The following USP7 variants were observed in gnomAD, a reference collection of about 807,000 sequenced individuals.
USP7 encodes ubiquitin C-terminal hydrolase 7.
Under a neutral mutation model 162.9 loss-of-function variants are expected in USP7, and 9 were observed. The observed-to-expected ratio is 0.06, with a 90% confidence interval of 0.03 to 0.10. The LOEUF is 0.10. Ranked by LOEUF, USP7 falls within the 10% of genes least tolerant of loss-of-function variation. The probability of loss-of-function intolerance (pLI) is 1.00; values close to 1 mark genes in which losing one functional copy is unlikely to be tolerated. For synonymous variants in USP7, 562 were observed against 475.9 expected (o/e 1.18, Z -2.35); for missense variants, 715 against 1,373.7 (o/e 0.52, Z 7.58).
rs1303819204 is a variant in USP7 at position 8,917,064 on chromosome 16, A to G, written c.813T>C (p.Asp271=). The change falls in exon 7 of 31, where the codon GAT becomes GAC. Residue 271 remains aspartate, a synonymous_variant. Coordinates refer to ENST00000344836, the MANE Select transcript of USP7 (RefSeq NM_003470.3). The stretch of plus-strand genomic sequence containing the variant: ...TTAACTTTTTTGTTCCTACAGGTTT[A>G]TCACTATGCTGTAATTCATAGAACA... The part of the protein sequence containing the change: ...QRVFYELQHS[D]KPVGTKKLTK... 1 of 1,612,190 alleles carries G rather than the reference A, an allele frequency of 6.2e-7. No individual in the cohort carries two copies. Among genetic ancestry groups the G allele is most frequent in the Non-Finnish European group, 8.5e-7 (1 of 1,179,516 alleles).
At chr16:8,953,106 T>C (rs1157261424) in intron 1 of USP7, among the ~76,000 whole-genome samples, 1 of 152,118 alleles carries the variant, frequency 6.6e-6, no homozygotes, top group African/African-American at 2.4e-5. Flanking sequence ...AATGCTGGGA[T>C]TACAGGTGTG....
At chr16:8,897,714 A>ATATATAT (rs1416078089) in intron 25 of USP7, among the ~76,000 whole-genome samples, 18 of 42,936 alleles carry the variant, frequency 4.2e-4, no homozygotes, top group Non-Finnish European at 6.4e-4. Context: ...AAAAAAAAAA[A>ATATATAT]AAAAAAAAAA....
chr16:8,947,353 C>G lies in USP7; in HGVS notation c.79+15854G>C, dbSNP rs113023041. Among the ~76,000 whole-genome samples, 468 of 151,962 alleles carry G rather than the reference C, an allele frequency of 3.1e-3. 5 individuals are homozygous for G. Among genetic ancestry groups the G allele is most frequent in the Admixed American group, 0.011 (161 of 15,242 alleles). ...ATTGTTTTTCCACAGCACTCCCCCCCCCAACACACACACACACAGGGTCTC... is the reference window on the plus strand; with the variant it reads ...ATTGTTTTTCCACAGCACTCCCCCCGCCAACACACACACACACAGGGTCTC... On this transcript the variant is annotated intron_variant, in intron 1 of 30. Coordinates refer to ENST00000344836, the MANE Select transcript of USP7 (RefSeq NM_003470.3).
chr16:8,901,032 G>C lies in USP7; in HGVS notation c.2166C>G (p.Asp722Glu), dbSNP rs1188408484. 5 of 1,614,098 alleles carry C rather than the reference G, an allele frequency of 3.1e-6. No homozygotes were observed. Among genetic ancestry groups the C allele is most frequent in the Non-Finnish European group, 3.4e-6 (4 of 1,179,998 alleles). The change falls in exon 20 of 31, where the codon GAC becomes GAG. Residue 722 changes from aspartate (D) to glutamate (E), a missense_variant. This residue lies in a region of USP7 where 197 missense variants were observed against 306.5 expected (regional missense o/e 0.64). Transcript: ENST00000344836. ...TAGTATCTTGAATAAATCCTGCTCT[G>C]TCACACATAACTGGGAGCAAGTCAC... ...KIRDLLPVMC[D>E]RAGFIQDTSL...
rs374324826 is a variant in USP7 at position 8,953,206 on chromosome 16, G to A, written c.79+10001C>T. ...TCACCTGAGGCTCCCCCTCCCCGCGGTAAGCCAGTCCTGTCTCTCCTATGC... is the reference window on the plus strand; with the variant it reads ...TCACCTGAGGCTCCCCCTCCCCGCGATAAGCCAGTCCTGTCTCTCCTATGC... On this transcript the variant is annotated intron_variant, in intron 1 of 30. Transcript: ENST00000344836. Among the ~76,000 whole-genome samples, 65 of 152,180 alleles carry A rather than the reference G, an allele frequency of 4.3e-4. 1 individual carries two copies. The East Asian group carries it at 0.01, about 24-fold the overall frequency.
intron 1 of USP7, among the ~76,000 whole-genome samples, chr16:8,953,414 G>A (rs1394030305): frequency 6.6e-6 from 1 of 152,152 alleles, no homozygotes; most frequent in East Asian, 1.9e-4. Flanking sequence ...AGGACACCAA[G>A]GACACTCCTA....
chr16:8,906,975 T>C (rs543829623), intron 12 of USP7, among the ~76,000 whole-genome samples: 2 of 152,378 alleles, frequency 1.3e-5, no homozygotes, highest in African/African-American at 4.8e-5. Flanking sequence ...GACTTAGTTT[T>C]AACTGGCTCT....
intron 1 of USP7, among the ~76,000 whole-genome samples, chr16:8,932,897 GAA>G (rs572423961): frequency 6.8e-6 from 1 of 146,530 alleles, no homozygotes; most frequent in Non-Finnish European, 1.5e-5. Context: ...AACTGAATAG[GAA>G]AAAAAAACCA....
intron 22 of USP7, 45 bp downstream of exon 22, chr16:8,899,559 T>G: frequency 6.2e-7 from 1 of 1,600,024 alleles, no homozygotes; most frequent in Non-Finnish European, 8.5e-7. Context: ...GAAATTTGTC[T>G]TTCTGGAGTG....
At chr16:8,935,464 G>C (rs1489020127) in intron 1 of USP7, among the ~76,000 whole-genome samples, 3 of 152,154 alleles carry the variant, frequency 2.0e-5, no homozygotes, top group African/African-American at 4.8e-5. Context: ...GCGCACCTCG[G>C]CCTCCCAAAG....
chr16:8,916,692 G>C, intron 7 of USP7, 136 bp from the exon 8 acceptor site: 3 of 932,250 alleles, frequency 3.2e-6, no homozygotes, highest in Non-Finnish European at 4.8e-6. Flanking sequence ...GATTATTTTT[G>C]GGAGTCATAA....
intron 27 of USP7, 23 bp from the exon 28 acceptor site, chr16:8,895,173 C>T (rs770725481): frequency 1.2e-6 from 2 of 1,614,182 alleles, no homozygotes; most frequent in East Asian, 2.2e-5. Context: ...ACAACAGACA[C>T]AGTTCTGTAA....
intron 1 of USP7, among the ~76,000 whole-genome samples, chr16:8,932,828 G>A (rs1898448062): frequency 6.6e-6 from 1 of 151,750 alleles, no homozygotes; most frequent in Admixed American, 6.6e-5. Flanking sequence ...GACATTTAAA[G>A]ATGAAAAATT....
intron 12 of USP7, 152 bp downstream of exon 12, chr16:8,908,189 A>G: frequency 1.5e-6 from 1 of 664,004 alleles, no homozygotes; most frequent in Non-Finnish European, 2.6e-6. Context: ...TCATTCCTTT[A>G]ACACTGCGGC....
At chr16:8,958,142 C>T (rs1899883026) in intron 1 of USP7, among the ~76,000 whole-genome samples, 1 of 152,170 alleles carries the variant, frequency 6.6e-6, no homozygotes, top group African/African-American at 2.4e-5. Context: ...AGCAAACAAG[C>T]CAACGGTGTA....
chr16:8,910,778 G>T lies in USP7; in HGVS notation c.1128C>A (p.Asp376Glu). 1 of 1,614,118 alleles carries T rather than the reference G, an allele frequency of 6.2e-7. No individual in the cohort carries two copies. The highest frequency in any genetic ancestry group is 8.5e-7 in the Non-Finnish European group (1 of 1,180,012). The change falls in exon 11 of 31, where the codon GAC becomes GAA. Residue 376 changes from aspartate to glutamate, a missense_variant. By Grantham distance (45) the Asp-to-Glu change is conservative. Coordinates refer to ENST00000344836, the MANE Select transcript of USP7 (RefSeq NM_003470.3). ...DYVAVEQLDG[D>E]NKYDAGEHGL... ...CATGTTCCCCAGCGTCGTATTTATT[G>T]TCCCCATCGAGCTGTTCTACTGCCA...
chr16:8,919,255 A>T, intron 5 of USP7, 116 bp from the exon 6 acceptor site: 1 of 913,860 alleles, frequency 1.1e-6, no homozygotes, highest in Non-Finnish European at 1.8e-6. Flanking sequence ...AGGAACACTT[A>T]TCACACAGCA....
intron 29 of USP7, 44 bp downstream of exon 29, chr16:8,894,740 G>A: frequency 1.9e-6 from 3 of 1,614,018 alleles, no homozygotes; most frequent in Non-Finnish European, 8.5e-7. Context: ...GGCAAGGCTT[G>A]AGCCTATGGC....
In USP7 at chr16:8,900,206, G is replaced by T. The variant is rs539017961; in HGVS notation, c.2309+324C>A. The T allele has an allele frequency of 4.4e-4, 144 of 324,792 alleles. 1 individual carries two copies. The South Asian group carries it at 6.2e-3, about 14-fold the overall frequency. The allele number at this position is 324,792 out of a possible 1,614,324, so 20.1% of individuals were successfully genotyped here. A position where few individuals can be genotyped will look rare whatever the true frequency, so the allele number is the denominator to read the frequency against. ...GGTTTACATGAAGACAGACTGAAAT[G>T]AATTACCCAAGTAGGTACATTCTAA... On this transcript the variant is annotated intron_variant, in intron 21 of 30. Coordinates refer to ENST00000344836, the MANE Select transcript of USP7 (RefSeq NM_003470.3).
Sources: allele counts gnomAD v4.1 joint callset (sites outside exome capture counted in the v4.1 genomes callset), GRCh38; gene constraint gnomAD v4.1.1; regional missense constraint gnomAD v4.1.1; transcripts MANE v1.5; gene names NCBI Gene and HGNC (gene_info 2026-07-23, HGNC 2026-07-21).